The following SH3D19 variants were observed in gnomAD, a reference collection of about 807,000 sequenced individuals.
The protein encoded by SH3D19 is SH3 domain-containing protein 19.
In SH3D19, 58 loss-of-function variants were observed where a neutral mutation model predicts 112.1. That is an observed-to-expected ratio of 0.52 (90% confidence interval 0.42 to 0.64). The LOEUF (loss-of-function observed/expected upper bound fraction) is 0.64, where lower values mean the gene tolerates loss of function less well. Among genes scored for constraint, SH3D19 ranks in the 30% least tolerant of loss-of-function variants. SH3D19 has a pLI of 0.00. For missense variants in SH3D19, 1,090 were observed against 1,263.4 expected (o/e 0.86, Z 2.08); for synonymous variants, 391 against 448.5 (o/e 0.87, Z 1.62).
intron 2 of SH3D19, among the ~76,000 whole-genome samples, chr4:151,222,655 G>GTCTCTC (rs34787298): frequency 1.4e-4 from 13 of 93,060 alleles, no homozygotes; most frequent in East Asian, 7.2e-4. Flanking sequence ...TATCTCTTTG[G>GTCTCTC]TCTCTCTCTC....
chr4:151,324,887 G>A (rs1055651221), intron 1 of SH3D19, among the ~76,000 whole-genome samples: 3 of 148,720 alleles, frequency 2.0e-5, no homozygotes, highest in Admixed American at 2.0e-4. Context: ...CAAACCCCTC[G>A]GAAGGTGTCG....
chr4:151,320,390 C>T (rs1730416965), intron 1 of SH3D19, among the ~76,000 whole-genome samples: 2 of 152,066 alleles, frequency 1.3e-5, no homozygotes, highest in African/African-American at 2.4e-5. Flanking sequence ...AAAGCTATGG[C>T]ATTTCTCCCC....
chr4:151,313,541 T>C (rs1473520106), intron 1 of SH3D19, among the ~76,000 whole-genome samples: 3 of 152,106 alleles, frequency 2.0e-5, no homozygotes, highest in Non-Finnish European at 4.4e-5. Context: ...CTCACTCTCC[T>C]GAGTAGCTGG....
chr4:151,191,435 A>G (rs1433401485), intron 2 of SH3D19, among the ~76,000 whole-genome samples: 1 of 152,102 alleles, frequency 6.6e-6, no homozygotes, highest in Non-Finnish European at 1.5e-5. Flanking sequence ...TTGAATTTTA[A>G]CTTCCACAAT....
chr4:151,194,016 ATTTTTTTTTT>A (rs201719037), intron 2 of SH3D19, among the ~76,000 whole-genome samples: 3 of 111,902 alleles, frequency 2.7e-5, no homozygotes, highest in Admixed American at 8.7e-5. Flanking sequence ...AGTAGGATTA[ATTTTTTTTTT>A]TTTTTTTTTT....
At chr4:151,156,102 A>C (rs905012489) in intron 9 of SH3D19, among the ~76,000 whole-genome samples, 1 of 152,188 alleles carries the variant, frequency 6.6e-6, no homozygotes, top group Admixed American at 6.5e-5. Context: ...CCTTGTAATA[A>C]ATTTAACTGA....
intron 7 of SH3D19, among the ~76,000 whole-genome samples, chr4:151,167,669 G>A (rs1203353373): frequency 1.3e-5 from 2 of 152,188 alleles, no homozygotes; most frequent in Non-Finnish European, 2.9e-5. Flanking sequence ...TGGGACGTGA[G>A]GAGTGTCTCT....
intron 11 of SH3D19, among the ~76,000 whole-genome samples, chr4:151,146,224 CT>C: frequency 6.6e-6 from 1 of 152,242 alleles, no homozygotes; most frequent in Non-Finnish European, 1.5e-5. Context: ...TTATTAATTG[CT>C]GTTCTTGTTA....
rs184484349 is a variant in SH3D19 at position 151,251,872 on chromosome 4, G to C, written c.113-25786C>G. On this transcript the variant is annotated intron_variant, in intron 1 of 19. Coordinates refer to ENST00000604030, the MANE Select transcript of SH3D19 (RefSeq NM_001378122.1). ...TCTTAGTTCATTCATCTCCCTCACT[G>C]CTACATGACTAGCACACTTCTCCAT... Among the ~76,000 whole-genome samples the C allele has an allele frequency of 2.6e-5, 4 of 152,256 alleles. No homozygotes were observed. The East Asian group carries it at 7.7e-4, about 29-fold the overall frequency.
At chr4:151,164,909 T>TAA (rs1277000669) in intron 8 of SH3D19, among the ~76,000 whole-genome samples, 1 of 152,162 alleles carries the variant, frequency 6.6e-6, no homozygotes, top group Non-Finnish European at 1.5e-5. Flanking sequence ...AACTATTATT[T>TAA]AAAGCTTTGG....
intron 1 of SH3D19, among the ~76,000 whole-genome samples, chr4:151,294,093 G>C (rs141815615): frequency 6.0e-4 from 91 of 152,230 alleles, no homozygotes; most frequent in African/African-American, 2.0e-3. Context: ...CATTTATGTA[G>C]TTGTCTAATT....
chr4:151,180,111 C>A (rs748524863), intron 3 of SH3D19, among the ~76,000 whole-genome samples: 1 of 152,202 alleles, frequency 6.6e-6, no homozygotes, highest in Non-Finnish European at 1.5e-5. Context: ...CTCCTGGGTT[C>A]AAGCGATCCT....
chr4:151,187,954 T>TCCCCTCTCCCTCCCAGACTCC (rs1762049218), intron 2 of SH3D19, among the ~76,000 whole-genome samples: 2 of 152,138 alleles, frequency 1.3e-5, no homozygotes, highest in Non-Finnish European at 2.9e-5. Context: ...TGTGAGACTT[T>TCCCCTCTCCCTCCCAGACTCC]CCCCTCTCCC....
At chr4:151,235,323 A>C (rs550645439) in intron 1 of SH3D19, among the ~76,000 whole-genome samples, 2 of 152,302 alleles carry the variant, frequency 1.3e-5, no homozygotes, top group South Asian at 4.1e-4. Context: ...AAAGGTCATA[A>C]ATTTAACCTG....
intron 2 of SH3D19, among the ~76,000 whole-genome samples, chr4:151,203,697 A>AT (rs1212787914): frequency 1.3e-5 from 2 of 152,228 alleles, no homozygotes; most frequent in African/African-American, 2.4e-5. Context: ...TAGTTTTAAA[A>AT]TTTTAACACC....
rs1754547087 is a variant in SH3D19, at chr4:151,149,581, C to T, written c.1756-20G>A. 5 of 1,607,616 alleles carry T rather than the reference C, an allele frequency of 3.1e-6. No homozygotes were observed. The South Asian group carries it at 3.3e-5, about 11-fold the overall frequency. Reference sequence around the variant, plus strand: ...GGATTCCTGCAAGTAGCAGAGAATGCTTTTTAGTTAAGGTTAATCTGAAAC... The same window carrying T: ...GGATTCCTGCAAGTAGCAGAGAATGTTTTTTAGTTAAGGTTAATCTGAAAC... On this transcript the variant is annotated intron_variant, in intron 9 of 19. Coordinates refer to ENST00000604030, the MANE Select transcript of SH3D19 (RefSeq NM_001378122.1).
At chr4:151,152,816 G>C (rs1755321032) in intron 9 of SH3D19, among the ~76,000 whole-genome samples, 5 of 151,544 alleles carry the variant, frequency 3.3e-5, no homozygotes. Flanking sequence ...ACTGTGCCTA[G>C]ACTTTTGCTA....
intron 4 of SH3D19, among the ~76,000 whole-genome samples, chr4:151,178,205 T>A (rs987249313): frequency 1.2e-4 from 18 of 152,222 alleles, no homozygotes; most frequent in Admixed American, 5.2e-4. Flanking sequence ...CTGGAGCATG[T>A]TTAAATTTTC....
At chr4:151,269,453 C>T (rs1240548584) in intron 1 of SH3D19, among the ~76,000 whole-genome samples, 2 of 152,126 alleles carry the variant, frequency 1.3e-5, no homozygotes, top group African/African-American at 4.8e-5. Context: ...TTAGTTAGAT[C>T]CCATTTGTCA....
Sources: gnomAD v4.1 joint callset for allele counts (sites outside exome capture counted in the v4.1 genomes callset) on GRCh38, gnomAD v4.1.1 for gene constraint, MANE v1.5 for transcripts, NCBI Gene and HGNC (gene_info 2026-07-23, HGNC 2026-07-21) for gene names.